The following PTPRG variants were observed in gnomAD, a reference collection of about 807,000 sequenced individuals.
The protein encoded by PTPRG is protein tyrosine phosphatase receptor type G, also known as receptor-type tyrosine-protein phosphatase gamma.
PTPRG carries 102 observed loss-of-function variants against 165.3 expected under a neutral mutation model. The ratio of observed to expected loss-of-function variants is 0.62; its 90% CI spans 0.53 to 0.73. PTPRG has a LOEUF of 0.73. Among genes scored for constraint, PTPRG ranks in the 30% least tolerant of loss-of-function variants. The probability of loss-of-function intolerance (pLI) is 0.00; values close to 1 mark genes in which losing one functional copy is unlikely to be tolerated. For missense variants in PTPRG, 1,866 were observed against 1,861.4 expected (o/e 1.00, Z -0.05); for synonymous variants, 675 against 669.5 (o/e 1.01, Z -0.13).
At chr3:61,833,482 G>A (rs535755512) in intron 2 of PTPRG, among the ~76,000 whole-genome samples, 5 of 152,298 alleles carry the variant, frequency 3.3e-5, no homozygotes, top group South Asian at 2.1e-4. Flanking sequence ...TGTAGTGAGC[G>A]TGTGTGCCAA....
chr3:61,760,034 T>G lies in PTPRG; in HGVS notation c.190+11052T>G, dbSNP rs2033781274. ...TGTTACATTTCCTATTAAGTCATAT[T>G]TGAGATTTTATAAAAAGTGGGCCAG... On this transcript the variant is annotated intron_variant, in intron 2 of 29. Coordinates refer to ENST00000474889, the MANE Select transcript of PTPRG (RefSeq NM_002841.4). Among the ~76,000 whole-genome samples, 4 of 152,284 alleles carry G rather than the reference T, an allele frequency of 2.6e-5. No individual in the cohort carries two copies. The South Asian group carries it at 8.3e-4, about 32-fold the overall frequency.
At chr3:61,940,157 G>C (rs576585517) in intron 2 of PTPRG, among the ~76,000 whole-genome samples, 1 of 152,100 alleles carries the variant, frequency 6.6e-6, no homozygotes, top group Non-Finnish European at 1.5e-5. Flanking sequence ...AGGTTGGCCA[G>C]GCTGGTCTCG....
Position 62,213,056 on chromosome 3 carries a change from G to A in PTPRG, c.2156-5795G>A, listed in dbSNP as rs1262339075. On this transcript the variant is annotated intron_variant, in intron 12 of 29. Transcript: ENST00000474889. The surrounding 1 kb of genome is among the most constrained non-coding windows in gnomAD (Gnocchi z 4.4). The stretch of plus-strand genomic sequence containing the variant: ...CACAATTTGGGCATCATGGAGGGAA[G>A]CAAACCCCCAGTAACTGGGCAGCTC... 6.6e-6 allele frequency among the ~76,000 whole-genome samples: 1 copy of A among 152,136 alleles called. No homozygotes were observed. The highest frequency in any genetic ancestry group is 1.9e-4 in the East Asian group (1 of 5,170).
chr3:62,023,338 A>G (rs1457249249), intron 4 of PTPRG, among the ~76,000 whole-genome samples: 2 of 152,136 alleles, frequency 1.3e-5, no homozygotes, highest in Admixed American at 1.3e-4. Context: ...CTTATGATGA[A>G]ATTTACCTCA....
intron 4 of PTPRG, among the ~76,000 whole-genome samples, chr3:62,051,833 T>C (rs1361158309): frequency 6.6e-6 from 1 of 152,222 alleles, no homozygotes; most frequent in African/African-American, 2.4e-5. Context: ...ATTTGGCAGG[T>C]ATTCAATGGA....
intron 2 of PTPRG, among the ~76,000 whole-genome samples, chr3:61,882,855 T>C (rs2037923402): frequency 6.6e-6 from 1 of 152,216 alleles, no homozygotes; most frequent in Non-Finnish European, 1.5e-5. Flanking sequence ...CCTCTGTTCT[T>C]CTTCTAAAAT....
intron 2 of PTPRG, among the ~76,000 whole-genome samples, chr3:61,967,234 C>T (rs1000450840): frequency 2.0e-5 from 3 of 152,190 alleles, no homozygotes; most frequent in African/African-American, 7.2e-5. Flanking sequence ...TTTGTCCGCA[C>T]ATCTGGTTGG....
intron 1 of PTPRG, among the ~76,000 whole-genome samples, chr3:61,669,476 C>T (rs34821556): frequency 0.3 from 45,642 of 152,022 alleles, 7,284 homozygotes; most frequent in East Asian, 0.35. Context: ...CATCCATTCC[C>T]ATCCCTCTTA....
At chr3:61,699,875 C>G (rs1163789219) in intron 1 of PTPRG, among the ~76,000 whole-genome samples, 1 of 152,190 alleles carries the variant, frequency 6.6e-6, no homozygotes, top group Non-Finnish European at 1.5e-5. Context: ...ACTTGAAAAG[C>G]TTCAAGATAA....
chr3:62,017,128 T>G (rs2107750529), intron 4 of PTPRG, among the ~76,000 whole-genome samples: 1 of 152,208 alleles, frequency 6.6e-6, no homozygotes, highest in East Asian at 1.9e-4. Context: ...CTAATGAACA[T>G]AGTCCCATAA....
chr3:61,796,788 G>C (rs1559616889), intron 2 of PTPRG, among the ~76,000 whole-genome samples: 1 of 152,018 alleles, frequency 6.6e-6, no homozygotes, highest in East Asian at 1.9e-4. Flanking sequence ...TATTGTTTTT[G>C]TCTGTCTTAC....
At chr3:61,919,567 G>T (rs563952876) in intron 2 of PTPRG, among the ~76,000 whole-genome samples, 1 of 152,244 alleles carries the variant, frequency 6.6e-6, no homozygotes, top group East Asian at 1.9e-4. Flanking sequence ...CAATCCAGTA[G>T]GGGTCACTGG....
chr3:62,061,428 T>C (rs959965726), intron 4 of PTPRG, among the ~76,000 whole-genome samples: 8 of 152,218 alleles, frequency 5.3e-5, no homozygotes, highest in African/African-American at 1.7e-4. Flanking sequence ...CGGTAGACTT[T>C]TGTCTTCATG....
chr3:61,826,135 GT>G (rs923995947), intron 2 of PTPRG, among the ~76,000 whole-genome samples: 1 of 152,052 alleles, frequency 6.6e-6, no homozygotes, highest in African/African-American at 2.4e-5. Flanking sequence ...AAGTTAAAAT[GT>G]TTTTTTATTT....
intron 1 of PTPRG, among the ~76,000 whole-genome samples, chr3:61,611,244 C>G (rs1701157818): frequency 6.6e-6 from 1 of 152,194 alleles, no homozygotes; most frequent in Admixed American, 6.5e-5. Context: ...GTGACTTTAT[C>G]AGAATGTTAT....
chr3:62,074,352 C>CTTTTTTTTT (rs200189646), intron 4 of PTPRG, among the ~76,000 whole-genome samples: 156 of 109,108 alleles, frequency 1.4e-3, no homozygotes, highest in Non-Finnish European at 1.9e-3. Flanking sequence ...TCTTTTCTTT[C>CTTTTTTTTT]TTTTTTTTTT....
chr3:61,666,345 A>G (rs965652064), intron 1 of PTPRG, among the ~76,000 whole-genome samples: 1 of 152,170 alleles, frequency 6.6e-6, no homozygotes, highest in Non-Finnish European at 1.5e-5. Flanking sequence ...CAGACTTTGG[A>G]TATCTTATTT....
chr3:61,652,239 G>T (rs1465242783), intron 1 of PTPRG, among the ~76,000 whole-genome samples: 1 of 151,934 alleles, frequency 6.6e-6, no homozygotes, highest in Non-Finnish European at 1.5e-5. Flanking sequence ...CCTGGGAGGC[G>T]GAGGTTGCAC....
chr3:62,096,597 A>G (rs1264879479), intron 5 of PTPRG, among the ~76,000 whole-genome samples: 2 of 152,170 alleles, frequency 1.3e-5, no homozygotes, highest in Non-Finnish European at 2.9e-5. Flanking sequence ...GCTGCTTTCC[A>G]TTGTAAATGT....
Sources: allele counts gnomAD v4.1 joint callset (sites outside exome capture counted in the v4.1 genomes callset), GRCh38; gene constraint gnomAD v4.1.1; non-coding constraint Gnocchi (gnomAD v3.1); transcripts MANE v1.5; gene names NCBI Gene and HGNC (gene_info 2026-07-23, HGNC 2026-07-21).